The following CACNA1B variants were observed in gnomAD, a reference collection of about 807,000 sequenced individuals.
CACNA1B encodes voltage-dependent N-type calcium channel subunit alpha-1B.
A neutral mutation model predicts 247.2 loss-of-function variants in CACNA1B; 70 were observed. The observed-to-expected ratio is 0.28, with a 90% confidence interval of 0.23 to 0.35. The LOEUF is 0.35. Among genes scored for constraint, CACNA1B ranks in the 10% least tolerant of loss-of-function variants. CACNA1B has a pLI of 1.00. For missense variants in CACNA1B, 2,367 were observed against 3,197.4 expected (o/e 0.74, Z 6.26); for synonymous variants, 1,231 against 1,294.4 (o/e 0.95, Z 1.05).
intron 15 of CACNA1B, among the ~76,000 whole-genome samples, chr9:137,992,951 A>T (rs1486135735): frequency 6.6e-6 from 1 of 152,232 alleles, no homozygotes; most frequent in Non-Finnish European, 1.5e-5. Flanking sequence ...TAACAATGAA[A>T]TCAAGATGCA....
intron 26 of CACNA1B, among the ~76,000 whole-genome samples, chr9:138,056,852 G>A (rs915451004): frequency 1.3e-5 from 2 of 151,878 alleles, no homozygotes; most frequent in African/African-American, 2.4e-5. Context: ...GTGTTGAGCA[G>A]CGTTTCATGT....
At position 138,059,397 on chromosome 9, in the gene CACNA1B, G is replaced by C. The variant is rs758578593; in HGVS notation, c.4584+208G>C. Among the ~76,000 whole-genome samples the C allele has an allele frequency of 6.6e-6, 1 of 152,114 alleles. No homozygotes were observed. The highest frequency in any genetic ancestry group is 2.4e-5 in the African/African-American group (1 of 41,436). On this transcript the variant is annotated intron_variant, in intron 30 of 46. Coordinates refer to ENST00000371372, the MANE Select transcript of CACNA1B (RefSeq NM_000718.4). This position sits in a 1 kb window ranked among gnomAD's most constrained non-coding sequence, Gnocchi z 4.2. ...CCCCAGCCTAGGTCCTGGGAGGGAG[G>C]CAGGGCTGGGTTCTTCCTCTTTGGA... is the stretch of plus-strand genomic sequence containing the variant.
At chr9:138,120,081 C>T in intron 44 of CACNA1B, 84 bp from the exon 45 acceptor site, 2 of 1,192,092 alleles carry the variant, frequency 1.7e-6, no homozygotes. Context: ...TGCTGTCTGG[C>T]CTGCTCCACC....
At chr9:138,109,055 A>G (rs1961534526) in intron 39 of CACNA1B, among the ~76,000 whole-genome samples, 1 of 152,254 alleles carries the variant, frequency 6.6e-6, no homozygotes, top group Non-Finnish European at 1.5e-5. Flanking sequence ...GTATCAAAGA[A>G]GGAAAAGTAT....
chr9:138,017,141 T>C (rs1393152819), intron 18 of CACNA1B: 1 of 519,064 alleles, frequency 1.9e-6, no homozygotes, highest in South Asian at 1.4e-5. Context: ...ATGTGCAGTT[T>C]TGTAAAGCAA....
At chr9:138,017,793 C>A (rs77464707) in intron 18 of CACNA1B, among the ~76,000 whole-genome samples, 3,260 of 152,346 alleles carry the variant, frequency 0.021, 54 homozygotes, top group Non-Finnish European at 0.035. Flanking sequence ...GCTGGCATCC[C>A]CTCGGGCAGC....
chr9:137,942,811 C>G (rs553660587), intron 6 of CACNA1B, among the ~76,000 whole-genome samples: 47 of 152,258 alleles, frequency 3.1e-4, no homozygotes, highest in Non-Finnish European at 5.6e-4. Flanking sequence ...ACTTTGGGGA[C>G]TCAGGAAGAA....
intron 6 of CACNA1B, among the ~76,000 whole-genome samples, chr9:137,923,297 A>AGGTGGTATTCCG (rs1957510260): frequency 1.0e-5 from 1 of 95,488 alleles, no homozygotes; most frequent in Non-Finnish European, 2.4e-5. Flanking sequence ...GTGGTATTCC[A>AGGTGGTATTCCG]TGGTGCCAGG....
chr9:137,988,001 C>G (rs769653553), intron 15 of CACNA1B, among the ~76,000 whole-genome samples: 2 of 152,254 alleles, frequency 1.3e-5, no homozygotes, highest in Non-Finnish European at 2.9e-5. Context: ...CTCCTCTCCT[C>G]TTATTCCTCG....
At chr9:138,099,082 C>T (rs1302476375) in intron 37 of CACNA1B, among the ~76,000 whole-genome samples, 2 of 152,270 alleles carry the variant, frequency 1.3e-5, no homozygotes, top group Non-Finnish European at 2.9e-5. Context: ...TTTGAAACAA[C>T]AACAAAATTT....
In CACNA1B at chr9:138,115,690, A is replaced by C; in HGVS notation, c.5777+11A>C. 1.2e-6 allele frequency: 2 copies of C among 1,610,668 alleles called. No homozygotes were observed. Among genetic ancestry groups the C allele is most frequent in the Non-Finnish European group, 1.7e-6 (2 of 1,178,056 alleles). ...CAATGGCGGGGCCATGTGAGTATCCAGATGCAGGACATAGCTGGACAGGAG... is the reference window on the plus strand; with the variant it reads ...CAATGGCGGGGCCATGTGAGTATCCCGATGCAGGACATAGCTGGACAGGAG... On this transcript the variant is annotated intron_variant, in intron 42 of 46. Coordinates refer to ENST00000371372, the MANE Select transcript of CACNA1B (RefSeq NM_000718.4).
At chr9:137,908,539 A>C (rs1032585130) in intron 3 of CACNA1B, among the ~76,000 whole-genome samples, 1 of 151,942 alleles carries the variant, frequency 6.6e-6, no homozygotes, top group Non-Finnish European at 1.5e-5. Context: ...ACAAACAAAC[A>C]AAAAAAACCT....
At chr9:137,949,098 A>ACTTGTGTGTCCTG (rs1564203134) in intron 6 of CACNA1B, among the ~76,000 whole-genome samples, 28 of 1,824 alleles carry the variant, frequency 0.015, no homozygotes, top group Admixed American at 0.021. Context: ...TGGTGTGTGC[A>ACTTGTGTGTCCTG]TGTTTGTGGT....
At chr9:138,066,184 G>T (rs907592853) in intron 31 of CACNA1B, among the ~76,000 whole-genome samples, 1 of 152,378 alleles carries the variant, frequency 6.6e-6, no homozygotes, top group East Asian at 1.9e-4. Context: ...TCTGAGGGTA[G>T]TGTGGATGCC....
At chr9:138,079,517 C>T (rs950705092) in intron 36 of CACNA1B, among the ~76,000 whole-genome samples, 8 of 151,998 alleles carry the variant, frequency 5.3e-5, no homozygotes, top group African/African-American at 1.9e-4. Context: ...CCCAGGCGGA[C>T]AGATCACCTA....
rs1956901696 is a variant in CACNA1B, at chr9:137,880,438, CAG to C, written c.390+1284_390+1285del. On this transcript the variant is annotated intron_variant, in intron 2 of 46. Coordinates refer to ENST00000371372, the MANE Select transcript of CACNA1B (RefSeq NM_000718.4). The surrounding 1 kb of genome is among the most constrained non-coding windows in gnomAD (Gnocchi z 4.8). ...GAGGGTGAGCTTGAGAGGAAACAGGCAGAGAGCCTTGAATGCCAAGTCACAGG... is the reference window on the plus strand; with the variant it reads ...GAGGGTGAGCTTGAGAGGAAACAGGCAGAGCCTTGAATGCCAAGTCACAGG... Among the ~76,000 whole-genome samples the C allele has an allele frequency of 6.6e-6, 1 of 151,974 alleles. No individual in the cohort carries two copies. The highest frequency in any genetic ancestry group is 6.6e-5 in the Admixed American group (1 of 15,264).
intron 37 of CACNA1B, among the ~76,000 whole-genome samples, chr9:138,096,831 G>A (rs1961072782): frequency 6.7e-6 from 1 of 149,162 alleles, no homozygotes; most frequent in African/African-American, 2.5e-5. Context: ...GGCCCGGACT[G>A]CATAAAGTGA....
intron 36 of CACNA1B, among the ~76,000 whole-genome samples, chr9:138,082,471 G>A (rs1960555742): frequency 6.6e-6 from 1 of 151,314 alleles, no homozygotes; most frequent in Admixed American, 6.6e-5. Flanking sequence ...ATTGGTTACA[G>A]CTTAGCGTTT....
chr9:138,053,664 A>G (rs1353751104), intron 25 of CACNA1B, among the ~76,000 whole-genome samples, 182 bp from the exon 26 acceptor site: 3 of 20,170 alleles, frequency 1.5e-4, no homozygotes. Flanking sequence ...CCACCCTCCC[A>G]CCATGGCTCC....
Sources: gnomAD v4.1 joint callset for allele counts (sites outside exome capture counted in the v4.1 genomes callset) on GRCh38, gnomAD v4.1.1 for gene constraint, Gnocchi (gnomAD v3.1) non-coding constraint, MANE v1.5 for transcripts, NCBI Gene and HGNC (gene_info 2026-07-23, HGNC 2026-07-21) for gene names.